Variants in ROBO3 observed in about 807,000 individuals in gnomAD.
ROBO3 encodes the protein roundabout homolog 3.
In ROBO3, 97 loss-of-function variants were observed where a neutral mutation model predicts 160.5. The observed-to-expected ratio is 0.60, with a 90% CI of 0.51 to 0.72. The LOEUF is 0.72. Ranked by LOEUF, ROBO3 falls within the 30% of genes least tolerant of loss-of-function variation. The pLI is 0.00. For missense variants in ROBO3, 1,858 were observed against 1,846.5 expected, an observed-to-expected ratio of 1.01 and a Z score of -0.11; for synonymous variants, 780 against 746.2, an observed-to-expected ratio of 1.05 and a Z score of -0.74.
At position 124,876,185 on chromosome 11, in the gene ROBO3, G is replaced by C. The variant is rs1286115697; in HGVS notation, c.2593+60G>C. On this transcript the variant is annotated intron_variant, in intron 16 of 27. Transcript: ENST00000397801. This position sits in a 1 kb window ranked among gnomAD's most constrained non-coding sequence, Gnocchi z 5.3. ...ACGGGGGCGGGGCAAGCCCCCCACT[G>C]GGGTAGCTGTGCCTGCCGGGTCGGG... is the stretch of plus-strand genomic sequence containing the variant. 1.3e-6 allele frequency: 2 copies of C among 1,536,972 alleles called. No individual in the cohort carries two copies. The highest frequency in any genetic ancestry group is 1.7e-6 in the Non-Finnish European group (2 of 1,148,554).
rs1358582218 is a variant in ROBO3 at position 124,875,695 on chromosome 11, T to C, written c.2421+10T>C. The C allele has an allele frequency of 3.8e-6, 6 of 1,596,974 alleles. No homozygotes were observed. The highest frequency in any genetic ancestry group is 3.5e-5 in the Admixed American group (2 of 57,054). Reference sequence around the variant, plus strand: ...CATCACGGAATACCAGGTAGAGGGATTGAGGAGGGACTGGATGGGAGGGCC... The same window carrying C: ...CATCACGGAATACCAGGTAGAGGGACTGAGGAGGGACTGGATGGGAGGGCC... On this transcript the variant is annotated intron_variant, in intron 15 of 27. Coordinates refer to ENST00000397801, the MANE Select transcript of ROBO3 (RefSeq NM_022370.4).
Position 124,869,019 on chromosome 11 carries a change from G to C in ROBO3, c.378G>C (p.Pro126=), listed in dbSNP as rs755238861. 12 of 1,601,364 alleles carry C rather than the reference G, an allele frequency of 7.5e-6. No homozygotes were observed. The South Asian group carries it at 1.2e-4, about 16-fold the overall frequency. Residue 126 remains proline (P), a synonymous_variant, in exon 2 of 28, where the codon CCG becomes CCC. Coordinates refer to ENST00000397801, the MANE Select transcript of ROBO3 (RefSeq NM_022370.4). This position sits in a 1 kb window ranked among gnomAD's most constrained non-coding sequence, Gnocchi z 4.2. ...LLLPSGALFF[P]RIVHGRRARP... is the part of the protein sequence containing the mutation. ...TGCCCAGCGGCGCCCTCTTCTTCCC[G>C]CGCATCGTGCACGGGCGCCGCGCGC...
At position 124,876,912 on chromosome 11, in the gene ROBO3, A is replaced by G; in HGVS notation, c.2780-249A>G. On this transcript the variant is annotated intron_variant, in intron 17 of 27. Coordinates refer to ENST00000397801, the MANE Select transcript of ROBO3 (RefSeq NM_022370.4). This position sits in a 1 kb window ranked among gnomAD's most constrained non-coding sequence, Gnocchi z 5.3. Reference sequence around the variant, plus strand: ...ACTTCCTAGTAAGGGACGTCTCTGGAGAGATTCTGAGGTGTTTGAGGTCAG... The same window carrying G: ...ACTTCCTAGTAAGGGACGTCTCTGGGGAGATTCTGAGGTGTTTGAGGTCAG... 1 of 610,304 alleles carries G rather than the reference A, an allele frequency of 1.6e-6. No individual in the cohort carries two copies. The highest frequency in any genetic ancestry group is 2.9e-6 in the Non-Finnish European group (1 of 342,696). 37.8% of individuals were successfully genotyped at this position (610,304 alleles called of 1,614,324 possible).
Position 124,873,664 on chromosome 11 carries a change from A to T in ROBO3, c.1619-33A>T. 2 of 1,575,688 alleles carry T rather than the reference A, an allele frequency of 1.3e-6. No homozygotes were observed. Among genetic ancestry groups the T allele is most frequent in the South Asian group, 2.3e-5 (2 of 87,070 alleles). On this transcript the variant is annotated intron_variant, in intron 10 of 27. Coordinates refer to ENST00000397801, the MANE Select transcript of ROBO3 (RefSeq NM_022370.4). The surrounding 1 kb of genome is among the most constrained non-coding windows in gnomAD (Gnocchi z 4.5). ...GTTACACTAGGATTATCCTTTCCCT[A>T]TCTTTCTACTTAAAGATTATCTCCC...
In ROBO3 at chr11:124,869,038, C is replaced by G; in HGVS notation, c.397C>G (p.Arg133Gly). Residue 133 changes from arginine to glycine, a missense_variant, in exon 2 of 28, where the codon CGC (arginine) becomes GGC (glycine). Transcript: ENST00000397801. This position sits in a 1 kb window ranked among gnomAD's most constrained non-coding sequence, Gnocchi z 4.2. ...LFFPRIVHGR[R>G]ARPDEGVYTC... ...CTTCCCGCGCATCGTGCACGGGCGC[C>G]GCGCGCGGCCGGACGAAGGTGTCTA... 1 of 1,602,108 alleles carries G rather than the reference C, an allele frequency of 6.2e-7. No individual in the cohort carries two copies. The highest frequency in any genetic ancestry group is 1.3e-5 in the African/African-American group (1 of 74,808).
chr11:124,868,030 T>C (rs1249534869), intron 1 of ROBO3, among the ~76,000 whole-genome samples: 1 of 152,164 alleles, frequency 6.6e-6, no homozygotes, highest in Non-Finnish European at 1.5e-5. Flanking sequence ...AATATGTGGA[T>C]GAACTGATCG....
intron 15 of ROBO3, 102 bp downstream of exon 15, chr11:124,875,787 G>C (rs1319803058): frequency 2.0e-6 from 3 of 1,500,128 alleles, no homozygotes; most frequent in Non-Finnish European, 2.7e-6. Flanking sequence ...TACAGGTTTG[G>C]CTTTAGGGTT....
Position 124,869,429 on chromosome 11 carries a change from G to GCGGGGC in ROBO3, c.488-20_488-19insGGGGCC. On this transcript the variant is annotated intron_variant, in intron 2 of 27. Coordinates refer to ENST00000397801, the MANE Select transcript of ROBO3 (RefSeq NM_022370.4). This position sits in a 1 kb window ranked among gnomAD's most constrained non-coding sequence, Gnocchi z 4.2. Reference sequence around the variant, plus strand: ...TGTCACTCTACACCCTGCTTATTTCGCCCCCCACCGCCCCGCCCAGTCCTC... The same window carrying GCGGGGC: ...TGTCACTCTACACCCTGCTTATTTCGCGGGGCCCCCCCACCGCCCCGCCCAGTCCTC... The GCGGGGC allele has an allele frequency of 7.7e-7, 1 of 1,295,762 alleles. No individual in the cohort carries two copies. The highest frequency in any genetic ancestry group is 1.1e-6 in the Non-Finnish European group (1 of 929,940). The allele number at this position is 1,295,762 out of a possible 1,614,324, so 80.3% of individuals were successfully genotyped here.
intron 12 of ROBO3, 135 bp from the exon 13 acceptor site, chr11:124,874,653 G>C (rs1946326395): frequency 9.2e-7 from 1 of 1,088,924 alleles, no homozygotes; most frequent in Non-Finnish European, 1.3e-6. Context: ...CTATTTTCCT[G>C]ACCAGTCCCC....
intron 15 of ROBO3, 121 bp from the exon 16 acceptor site, chr11:124,875,833 A>G: frequency 6.9e-7 from 1 of 1,441,700 alleles, no homozygotes; most frequent in Non-Finnish European, 9.6e-7. Flanking sequence ...GAGGTTTCCA[A>G]GTGTTGTTTC....
rs776210224 is a variant in ROBO3 at position 124,877,183 on chromosome 11, AG to A, written c.2803+1del. 2.5e-6 allele frequency: 4 copies of A among 1,613,922 alleles called. No individual in the cohort carries two copies. Among genetic ancestry groups the A allele is most frequent in the Non-Finnish European group, 3.4e-6 (4 of 1,179,876 alleles). On this transcript the variant is annotated frameshift_variant and splice_region_variant, in exon 18 of 28. Coordinates refer to ENST00000397801, the MANE Select transcript of ROBO3 (RefSeq NM_022370.4). LOFTEE classifies it high-confidence loss of function. ...YTASFAYTPA[V>X]SFPHSEGLSG... The stretch of plus-strand genomic sequence containing the variant: ...AAGCCTCTTTTGCCTACACACCGGC[AG>A]GTAAGCCATCTCTGCCCCAGTGGGG...
Position 124,878,415 on chromosome 11 carries a change from C to G in ROBO3, c.3299C>G (p.Pro1100Arg). 1 of 1,613,778 alleles carries G rather than the reference C, an allele frequency of 6.2e-7. No homozygotes were observed. The highest frequency in any genetic ancestry group is 1.1e-5 in the South Asian group (1 of 91,080). ...PSCELSCLEG[P>R]EEELEGSSEP... The stretch of plus-strand genomic sequence containing the variant: ...TGTGAACTGAGCTGCCTAGAAGGGC[C>G]GGAGGAGGAGCTGGAGGGCAGGTAG... The change falls in exon 22 of 28, where the codon CCG (proline) becomes CGG (arginine). Residue 1100 changes from proline to arginine, a missense_variant. Pro to Arg is a moderately radical substitution (Grantham distance 103). Transcript: ENST00000397801. This position sits in a 1 kb window ranked among gnomAD's most constrained non-coding sequence, Gnocchi z 4.3.
rs747584997 is a variant in ROBO3 at position 124,877,984 on chromosome 11, G to A, written c.3034G>A (p.Ala1012Thr). 5.0e-6 allele frequency: 8 copies of A among 1,610,818 alleles called. No individual in the cohort carries two copies. In the East Asian group the frequency reaches 1.6e-4, roughly 31 times the overall value. Residue 1012 changes from alanine to threonine, a missense_variant, in exon 21 of 28, where the codon GCC becomes ACC. Coordinates refer to ENST00000397801, the MANE Select transcript of ROBO3 (RefSeq NM_022370.4). ...AGCTCAGACGGCCAGGGGCACGGCC[G>A]CCCCTGGCGAGGGTCCTGTCTATAG... ...YLAQTARGTA[A>T]PGEGPVYSTI...
At chr11:124,880,755 T>C (rs1946562840) in intron 27 of ROBO3, 147 bp downstream of exon 27, 3 of 1,251,122 alleles carry the variant, frequency 2.4e-6, no homozygotes, top group Admixed American at 2.9e-5. Flanking sequence ...GGAGGAATCC[T>C]GTAGAAGTGA....
At position 124,875,191 on chromosome 11, in the gene ROBO3, G is replaced by A; in HGVS notation, c.2154G>A (p.Met718Ile). The stretch of plus-strand genomic sequence containing the variant: ...GCCCTGAGGGAGGAAGCTGGACAAT[G>A]TTGGACCTACAGTCCCCAAGCCAGC... ...VAGPEGGSWTMLDLQSPSQQS... is the reference protein window; with the variant it reads ...VAGPEGGSWTILDLQSPSQQS... Residue 718 changes from methionine (M) to isoleucine (I), a missense_variant, in exon 14 of 28, where the codon ATG (methionine) becomes ATA (isoleucine). By Grantham distance (10) the Met-to-Ile change is conservative. Coordinates refer to ENST00000397801, the MANE Select transcript of ROBO3 (RefSeq NM_022370.4). 1 of 1,613,898 alleles carries A rather than the reference G, an allele frequency of 6.2e-7. No homozygotes were observed. Among genetic ancestry groups the A allele is most frequent in the Non-Finnish European group, 8.5e-7 (1 of 1,179,890 alleles).
Position 124,876,262 on chromosome 11 carries a change from C to G in ROBO3, c.2594-13C>G. The G allele has an allele frequency of 1.3e-6, 2 of 1,487,742 alleles. No homozygotes were observed. 92.2% of individuals were successfully genotyped at this position (1,487,742 alleles called of 1,614,324 possible). On this transcript the variant is annotated splice_polypyrimidine_tract_variant and intron_variant, in intron 16 of 27. Coordinates refer to ENST00000397801, the MANE Select transcript of ROBO3 (RefSeq NM_022370.4). The surrounding 1 kb of genome is among the most constrained non-coding windows in gnomAD (Gnocchi z 5.3). Reference sequence around the variant, plus strand: ...TCGGGCCCCTCCTCCCCTCACTTCTCTGACCCCCACAGCGTCCCCGCCGGA... The same window carrying G: ...TCGGGCCCCTCCTCCCCTCACTTCTGTGACCCCCACAGCGTCCCCGCCGGA...
chr11:124,865,883 G>A lies in ROBO3; in HGVS notation c.160+146G>A, dbSNP rs1946189909. 1.1e-6 allele frequency: 1 copy of A among 942,614 alleles called. No homozygotes were observed. The highest frequency in any genetic ancestry group is 1.5e-6 in the Non-Finnish European group (1 of 650,280). 58.4% of individuals were successfully genotyped at this position (942,614 alleles called of 1,614,324 possible). On this transcript the variant is annotated intron_variant, in intron 1 of 27. Transcript: ENST00000397801. This position sits in a 1 kb window ranked among gnomAD's most constrained non-coding sequence, Gnocchi z 5.5. ...GCCTCCCTGGGTCGTGGGGTCTAAG[G>A]GATAATTTGGAGCTTCGAGCACATG...
Position 124,865,870 on chromosome 11 carries a change from C to A in ROBO3, c.160+133C>A. On this transcript the variant is annotated intron_variant, in intron 1 of 27. Transcript: ENST00000397801. The surrounding 1 kb of genome is among the most constrained non-coding windows in gnomAD (Gnocchi z 5.5). ...GGCGCCTCCCAGCGCCTCCCTGGGT[C>A]GTGGGGTCTAAGGGATAATTTGGAG... The A allele has an allele frequency of 1.9e-6, 2 of 1,057,590 alleles. No individual in the cohort carries two copies. Among genetic ancestry groups the A allele is most frequent in the South Asian group, 1.6e-5 (1 of 60,792 alleles). 65.5% of individuals were successfully genotyped at this position (1,057,590 alleles called of 1,614,324 possible).
At position 124,872,647 on chromosome 11, in the gene ROBO3, G is replaced by T; in HGVS notation, c.1330+95G>T. The T allele has an allele frequency of 7.8e-7, 1 of 1,281,210 alleles. No individual in the cohort carries two copies. The highest frequency in any genetic ancestry group is 2.5e-5 in the East Asian group (1 of 40,566). 79.4% of individuals were successfully genotyped at this position (1,281,210 alleles called of 1,614,324 possible). A position where few individuals can be genotyped will look rare whatever the true frequency, so the allele number is the denominator to read the frequency against. On this transcript the variant is annotated intron_variant, in intron 8 of 27. Coordinates refer to ENST00000397801, the MANE Select transcript of ROBO3 (RefSeq NM_022370.4). The surrounding 1 kb of genome is among the most constrained non-coding windows in gnomAD (Gnocchi z 4.3). ...CTCTTGGAGTCTATATACTATGTCT[G>T]CAAGAGGAGAGATGTGTTCCTGAGG...
Sources: allele counts gnomAD v4.1 joint callset (sites outside exome capture counted in the v4.1 genomes callset), GRCh38; gene constraint gnomAD v4.1.1; non-coding constraint Gnocchi (gnomAD v3.1); transcripts MANE v1.5; gene names NCBI Gene and HGNC (gene_info 2026-07-23, HGNC 2026-07-21).